The following CACNA1B variants were observed in gnomAD, a reference collection of about 807,000 sequenced individuals.
CACNA1B encodes calcium voltage-gated channel subunit alpha1 B.
CACNA1B carries 70 observed loss-of-function variants against 247.2 expected under a neutral mutation model. The ratio of observed to expected loss-of-function variants is 0.28; its 90% CI spans 0.23 to 0.35. CACNA1B has a LOEUF of 0.35. Ranked by LOEUF, CACNA1B falls within the 10% of genes least tolerant of loss-of-function variation. The pLI is 1.00. For synonymous variants in CACNA1B, 1,231 were observed against 1,294.4 expected (o/e 0.95, Z 1.05); for missense variants, 2,367 against 3,197.4 (o/e 0.74, Z 6.26).
chr9:137,914,768 T>C lies in CACNA1B; in HGVS notation c.737T>C (p.Met246Thr). Residue 246 changes from methionine (M) to threonine (T), a missense_variant, in exon 5 of 47, where the codon ATG (methionine) becomes ACG (threonine). Met to Thr is a moderately conservative substitution (Grantham distance 81). This residue lies in a region of CACNA1B where 130 missense variants were observed against 338.7 expected (regional missense o/e 0.38). Coordinates refer to ENST00000371372, the MANE Select transcript of CACNA1B (RefSeq NM_000718.4). The surrounding 1 kb of genome is among the most constrained non-coding windows in gnomAD (Gnocchi z 4.3). The part of the protein sequence containing the change: ...MFAIIGLEFY[M>T]GKFHKACFPN... ...GCCATCATTGGCCTGGAGTTCTACA[T>C]GGGCAAGTTCCACAAGGCCTGTTTC... is the stretch of plus-strand genomic sequence containing the variant. 1.2e-6 allele frequency: 2 copies of C among 1,614,000 alleles called. No homozygotes were observed. The highest frequency in any genetic ancestry group is 1.7e-6 in the Non-Finnish European group (2 of 1,179,902).
At chr9:137,964,786 T>A (rs745547263) in intron 10 of CACNA1B, among the ~76,000 whole-genome samples, 31 of 152,228 alleles carry the variant, frequency 2.0e-4, no homozygotes, top group Non-Finnish European at 4.1e-4. Context: ...CTCTGGCTTT[T>A]TGAGTTTTAA....
chr9:137,991,390 C>CA (rs889768360), intron 15 of CACNA1B, among the ~76,000 whole-genome samples: 12 of 152,052 alleles, frequency 7.9e-5, no homozygotes, highest in Non-Finnish European at 1.8e-4. Context: ...AGAAGAATTT[C>CA]AAAAAATGAA....
At chr9:138,005,665 C>G (rs545058437) in intron 15 of CACNA1B, among the ~76,000 whole-genome samples, 67 of 152,282 alleles carry the variant, frequency 4.4e-4, no homozygotes, top group African/African-American at 1.6e-3. Flanking sequence ...TCCGAATACC[C>G]TATTTGATCA....
intron 15 of CACNA1B, among the ~76,000 whole-genome samples, chr9:137,992,265 C>T (rs1235599822): frequency 2.0e-5 from 3 of 152,040 alleles, no homozygotes; most frequent in Non-Finnish European, 4.4e-5. Flanking sequence ...CAAATGGAGA[C>T]TAAAAGCGAG....
intron 18 of CACNA1B, among the ~76,000 whole-genome samples, chr9:138,019,825 G>A (rs560509740): frequency 2.0e-4 from 31 of 152,214 alleles, no homozygotes; most frequent in African/African-American, 6.7e-4. Flanking sequence ...GTGGCCGGGC[G>A]CGCTGGCTCA....
Position 138,006,772 on chromosome 9 carries a change from G to A in CACNA1B, c.1980G>A (p.Leu660=), listed in dbSNP as rs1958657171. The change falls in exon 16 of 47, where the codon CTG becomes CTA. Residue 660 remains leucine (L), a synonymous_variant. Coordinates refer to ENST00000371372, the MANE Select transcript of CACNA1B (RefSeq NM_000718.4). The part of the protein sequence containing the change: ...PAAILTVFQI[L]TGEDWNAVMY... ...TGTTCTCTCCATCCTGGCAGATCCT[G>A]ACGGGAGAGGACTGGAATGCAGTGA... 1 of 1,594,430 alleles carries A rather than the reference G, an allele frequency of 6.3e-7. No homozygotes were observed. The highest frequency in any genetic ancestry group is 8.6e-7 in the Non-Finnish European group (1 of 1,162,452).
chr9:138,074,822 C>T (rs1960258939), intron 34 of CACNA1B, among the ~76,000 whole-genome samples: 1 of 152,188 alleles, frequency 6.6e-6, no homozygotes, highest in African/African-American at 2.4e-5. Context: ...CAGTGGCGGT[C>T]GGTTATCCTG....
chr9:137,948,096 T>G (rs576953532), intron 6 of CACNA1B, among the ~76,000 whole-genome samples: 3 of 146,592 alleles, frequency 2.0e-5, no homozygotes, highest in African/African-American at 7.6e-5. Context: ...TTTTCCTGCC[T>G]CAGGCTGTGG....
At position 138,057,989 on chromosome 9, in the gene CACNA1B, G is replaced by C; in HGVS notation, c.4107-60G>C. On this transcript the variant is annotated intron_variant, in intron 27 of 46. Coordinates refer to ENST00000371372, the MANE Select transcript of CACNA1B (RefSeq NM_000718.4). This position sits in a 1 kb window ranked among gnomAD's most constrained non-coding sequence, Gnocchi z 4.0. The stretch of plus-strand genomic sequence containing the variant: ...GACCCACCCTTGTGGTGCAGGTCTT[G>C]AGTTCTTAGGGCTGTCTCCTTTGGG... The C allele has an allele frequency of 1.3e-6, 2 of 1,567,202 alleles. No homozygotes were observed. Among genetic ancestry groups the C allele is most frequent in the Non-Finnish European group, 1.8e-6 (2 of 1,138,268 alleles).
intron 36 of CACNA1B, among the ~76,000 whole-genome samples, chr9:138,088,954 C>T (rs1364652058): frequency 8.1e-5 from 5 of 61,446 alleles, no homozygotes; most frequent in Non-Finnish European, 1.2e-4. Context: ...AGCAAAACTC[C>T]GTCTCAAAAA....
intron 15 of CACNA1B, among the ~76,000 whole-genome samples, chr9:138,001,857 G>A (rs895836664): frequency 6.6e-6 from 1 of 152,150 alleles, no homozygotes; most frequent in African/African-American, 2.4e-5. Context: ...AACTAAAATT[G>A]TGCAAGACTT....
At chr9:138,056,144 T>C (rs973021551) in intron 26 of CACNA1B, among the ~76,000 whole-genome samples, 2 of 152,188 alleles carry the variant, frequency 1.3e-5, no homozygotes, top group Non-Finnish European at 1.5e-5. Flanking sequence ...TTAGTCTATT[T>C]ACAGGTACAT....
chr9:137,959,192 C>T (rs1957983086), intron 10 of CACNA1B, among the ~76,000 whole-genome samples: 1 of 152,140 alleles, frequency 6.6e-6, no homozygotes, highest in African/African-American at 2.4e-5. Flanking sequence ...CCTGCCTCAG[C>T]AACCCGAGTA....
At position 138,058,316 on chromosome 9, in the gene CACNA1B, G is replaced by C; in HGVS notation, c.4308+66G>C. 2 of 1,347,350 alleles carry C rather than the reference G, an allele frequency of 1.5e-6. No individual in the cohort carries two copies. Among genetic ancestry groups the C allele is most frequent in the Non-Finnish European group, 2.1e-6 (2 of 945,040 alleles). The allele number at this position is 1,347,350 out of a possible 1,614,324, so 83.5% of individuals were successfully genotyped here. On this transcript the variant is annotated intron_variant, in intron 28 of 46. Coordinates refer to ENST00000371372, the MANE Select transcript of CACNA1B (RefSeq NM_000718.4). This position sits in a 1 kb window ranked among gnomAD's most constrained non-coding sequence, Gnocchi z 4.7. ...GGCAGCGCCATCAGGCTTCCCTCCTGCACACAAATCACTCACAGCTGGGTC... is the reference window on the plus strand; with the variant it reads ...GGCAGCGCCATCAGGCTTCCCTCCTCCACACAAATCACTCACAGCTGGGTC...
chr9:138,059,553 AC>A lies in CACNA1B; in HGVS notation c.4585-98del. 1 of 765,310 alleles carries A rather than the reference AC, an allele frequency of 1.3e-6. No homozygotes were observed. The highest frequency in any genetic ancestry group is 2.3e-6 in the Non-Finnish European group (1 of 427,710). The allele number at this position is 765,310 out of a possible 1,614,324, so 47.4% of individuals were successfully genotyped here. On this transcript the variant is annotated intron_variant, in intron 30 of 46. Coordinates refer to ENST00000371372, the MANE Select transcript of CACNA1B (RefSeq NM_000718.4). The surrounding 1 kb of genome is among the most constrained non-coding windows in gnomAD (Gnocchi z 4.2). Reference sequence around the variant, plus strand: ...GTCTGCCCTGTGCTCAGGGTCTATCACCCTCACCGCTTTCTTAATCAGGGCC... The same window carrying A: ...GTCTGCCCTGTGCTCAGGGTCTATCACCTCACCGCTTTCTTAATCAGGGCC...
At position 138,023,226 on chromosome 9, in the gene CACNA1B, G is replaced by A. The variant is rs1034697217; in HGVS notation, c.2483G>A (p.Gly828Glu). The A allele has an allele frequency of 1.1e-5, 16 of 1,511,790 alleles. No individual in the cohort carries two copies. Among genetic ancestry groups the A allele is most frequent in the African/African-American group, 4.3e-5 (3 of 69,858 alleles). 93.6% of individuals were successfully genotyped at this position (1,511,790 alleles called of 1,614,324 possible). The change falls in exon 19 of 47, where the codon GGG becomes GAG. Residue 828 changes from glycine to glutamate, a missense_variant. Gly to Glu is a moderately conservative substitution (Grantham distance 98, BLOSUM62 -2). Coordinates refer to ENST00000371372, the MANE Select transcript of CACNA1B (RefSeq NM_000718.4). The part of the protein sequence containing the change: ...VVELGRDGAR[G>E]PVGGKARPEA... ...GAGCTGGGCCGCGACGGCGCGCGGG[G>A]GCCCGTGGGAGGCAAAGCCCGACCT... is the stretch of plus-strand genomic sequence containing the variant.
chr9:137,917,633 G>C lies in CACNA1B; in HGVS notation c.966+202G>C, dbSNP rs1957427132. Among the ~76,000 whole-genome samples, 1 of 152,226 alleles carries C rather than the reference G, an allele frequency of 6.6e-6. No individual in the cohort carries two copies. Among genetic ancestry groups the C allele is most frequent in the African/African-American group, 2.4e-5 (1 of 41,468 alleles). On this transcript the variant is annotated intron_variant, in intron 6 of 46. Transcript: ENST00000371372. The surrounding 1 kb of genome is among the most constrained non-coding windows in gnomAD (Gnocchi z 5.5). ...GTCCACCACAGGCAGCCTCAGCTCA[G>C]ACTCCTGAGGTGGGTCCTCCTGGAG... is the stretch of plus-strand genomic sequence containing the variant.
Position 138,073,439 on chromosome 9 carries a change from G to A in CACNA1B, c.4675-49G>A. On this transcript the variant is annotated intron_variant, in intron 32 of 46. Transcript: ENST00000371372. This position sits in a 1 kb window ranked among gnomAD's most constrained non-coding sequence, Gnocchi z 6.4. ...GTTGTAGGGTGGCAGCAGCTTGCCT[G>A]CGCTTTCGGGGCTTCTGAAGGTCAG... 1 of 1,178,174 alleles carries A rather than the reference G, an allele frequency of 8.5e-7. No homozygotes were observed. Among genetic ancestry groups the A allele is most frequent in the Non-Finnish European group, 1.3e-6 (1 of 784,550 alleles). 73.0% of individuals were successfully genotyped at this position (1,178,174 alleles called of 1,614,324 possible).
chr9:137,994,995 A>T (rs1297264348), intron 15 of CACNA1B, among the ~76,000 whole-genome samples: 1 of 152,184 alleles, frequency 6.6e-6, no homozygotes, highest in African/African-American at 2.4e-5. Context: ...ACCTGAGGTC[A>T]GGAGTTTGAG....
Sources: allele counts gnomAD v4.1 joint callset (sites outside exome capture counted in the v4.1 genomes callset), GRCh38; gene constraint gnomAD v4.1.1; regional missense constraint gnomAD v4.1.1; non-coding constraint Gnocchi (gnomAD v3.1); transcripts MANE v1.5; gene names NCBI Gene and HGNC (gene_info 2026-07-23, HGNC 2026-07-21).